Variants in PCDH15 observed in about 807,000 individuals in gnomAD.
The protein encoded by PCDH15 is protocadherin-15.
Under a neutral mutation model 178.5 loss-of-function variants are expected in PCDH15, and 129 were observed. That is an observed-to-expected ratio of 0.72 (90% CI 0.63 to 0.84). The LOEUF (loss-of-function observed/expected upper bound fraction) is 0.84. PCDH15 is among the 40% of genes least tolerant of loss of function. The pLI is 0.00. For missense variants in PCDH15, 2,230 were observed against 2,099.9 expected, an observed-to-expected ratio of 1.06 and a Z score of -1.21; for synonymous variants, 800 against 732.0, an observed-to-expected ratio of 1.09 and a Z score of -1.50.
At position 53,805,973 on chromosome 10, in the gene PCDH15, A is replaced by AATGT. The variant is rs1284345003; in HGVS notation, c.*602_*605dup. ...TGGTTTCCTAAAGGGTCAAGATATA[A>AATGT]ATGTATTTATGGTAAAATGTGAAAA... On this transcript the variant is annotated 3_prime_UTR_variant, in exon 38 of 38. Transcript: ENST00000644397. 1 of 151,888 alleles carries AATGT rather than the reference A, an allele frequency of 6.6e-6. No homozygotes were observed. The highest frequency in any genetic ancestry group is 1.5e-5 in the Non-Finnish European group (1 of 68,058). 9.4% of individuals were successfully genotyped at this position (151,888 alleles called of 1,614,324 possible).
At chr10:55,506,942 T>G (rs981148356) in intron 2 of PCDH15, among the ~76,000 whole-genome samples, 3 of 151,642 alleles carry the variant, frequency 2.0e-5, no homozygotes, top group Non-Finnish European at 4.4e-5. Context: ...ACTTTAAAGA[T>G]TAACACATGA....
intron 2 of PCDH15, among the ~76,000 whole-genome samples, chr10:54,628,500 GCAGA>G (rs2093618521): frequency 6.6e-6 from 1 of 152,092 alleles, no homozygotes; most frequent in Non-Finnish European, 1.5e-5. Context: ...GTACAGGGAA[GCAGA>G]CAAACCTTAA....
chr10:54,090,366 G>A (rs1024338687), intron 15 of PCDH15, among the ~76,000 whole-genome samples: 1 of 152,070 alleles, frequency 6.6e-6, no homozygotes, highest in Admixed American at 6.6e-5. Context: ...CTGCTGGCTG[G>A]GCACAGTGGC....
chr10:53,918,892 C>T (rs901535350), intron 25 of PCDH15, among the ~76,000 whole-genome samples: 4 of 152,280 alleles, frequency 2.6e-5, no homozygotes, highest in South Asian at 2.1e-4. Flanking sequence ...AAAATTAAGA[C>T]GTAGCAGGTC....
At chr10:54,914,049 A>T (rs1026170412) in intron 2 of PCDH15, among the ~76,000 whole-genome samples, 2 of 152,170 alleles carry the variant, frequency 1.3e-5, no homozygotes, top group African/African-American at 2.4e-5. Context: ...AAAGGCTTTA[A>T]GATTTTCAGG....
intron 2 of PCDH15, among the ~76,000 whole-genome samples, chr10:55,040,583 C>T (rs1840843006): frequency 6.6e-6 from 1 of 152,074 alleles, no homozygotes; most frequent in South Asian, 2.1e-4. Flanking sequence ...TTTTCTTGTC[C>T]TCTTTTTCCA....
At chr10:55,520,025 A>G (rs1841120694) in intron 2 of PCDH15, among the ~76,000 whole-genome samples, 1 of 147,364 alleles carries the variant, frequency 6.8e-6, no homozygotes, top group African/African-American at 2.5e-5. Flanking sequence ...TATAAGGCAT[A>G]TATATATGCC....
intron 2 of PCDH15, among the ~76,000 whole-genome samples, chr10:54,546,916 A>T (rs56140526): frequency 0.17 from 26,349 of 152,114 alleles, 2,467 homozygotes; most frequent in Admixed American, 0.29. Context: ...CAATGTGTCA[A>T]TGACTTCATC....
At chr10:55,496,827 G>A (rs1027128177) in intron 2 of PCDH15, among the ~76,000 whole-genome samples, 1 of 151,734 alleles carries the variant, frequency 6.6e-6, no homozygotes, top group African/African-American at 2.4e-5. Context: ...TTAAACTAAT[G>A]TTTCAATTAT....
chr10:55,409,148 C>A (rs1838274815), intron 2 of PCDH15, among the ~76,000 whole-genome samples: 1 of 152,012 alleles, frequency 6.6e-6, no homozygotes. Flanking sequence ...CAGCTAAGAC[C>A]TCTCTCCTGA....
intron 20 of PCDH15, 93 bp downstream of exon 20, chr10:54,020,099 G>A (rs913082218): frequency 2.7e-6 from 3 of 1,094,206 alleles, no homozygotes; most frequent in African/African-American, 1.6e-5. Context: ...ATTAGGAATT[G>A]TTATCAAAAC....
chr10:54,719,997 C>A (rs1008062967), intron 1 of PCDH15, among the ~76,000 whole-genome samples: 6 of 151,816 alleles, frequency 4.0e-5, no homozygotes, highest in African/African-American at 1.5e-4. Context: ...CAATGAGATA[C>A]CATCTCACAC....
intron 15 of PCDH15, among the ~76,000 whole-genome samples, chr10:54,104,851 A>C (rs1319352158): frequency 5.4e-5 from 8 of 147,180 alleles, no homozygotes; most frequent in African/African-American, 1.3e-4. Flanking sequence ...ACAACAAAAA[A>C]AAAAAAAAAA....
intron 15 of PCDH15, among the ~76,000 whole-genome samples, chr10:54,108,632 A>C (rs1035376420): frequency 6.6e-6 from 1 of 152,114 alleles, no homozygotes; most frequent in Non-Finnish European, 1.5e-5. Flanking sequence ...CTAGGATGGC[A>C]TGTGACCTAC....
intron 1 of PCDH15, among the ~76,000 whole-genome samples, chr10:55,252,468 T>C (rs1027510267): frequency 6.6e-6 from 1 of 152,156 alleles, no homozygotes; most frequent in Non-Finnish European, 1.5e-5. Flanking sequence ...ATTTCCCAAA[T>C]TATAAAATAT....
chr10:54,090,172 TTAAAGAATAAAGATTAAA>T (rs1565230754), intron 15 of PCDH15, 109 bp from the exon 16 acceptor site: 17 of 859,740 alleles, frequency 2.0e-5, no homozygotes, highest in Non-Finnish European at 2.9e-5. Context: ...CATGACACTG[TTAAAGAATAAAGATTAAA>T]GCATGGCCTA....
intron 18 of PCDH15, among the ~76,000 whole-genome samples, chr10:54,048,638 T>C (rs1279576442): frequency 6.6e-6 from 1 of 152,162 alleles, no homozygotes; most frequent in Non-Finnish European, 1.5e-5. Context: ...ATCCCAACAT[T>C]TATTGAATAG....
chr10:55,413,793 T>C (rs1838405910), intron 2 of PCDH15, among the ~76,000 whole-genome samples: 1 of 151,578 alleles, frequency 6.6e-6, no homozygotes, highest in Non-Finnish European at 1.5e-5. Context: ...TGAATACAAG[T>C]TAGCTCGGAA....
intron 2 of PCDH15, among the ~76,000 whole-genome samples, chr10:55,378,338 G>C (rs1221016373): frequency 6.6e-6 from 1 of 152,082 alleles, no homozygotes; most frequent in Non-Finnish European, 1.5e-5. Flanking sequence ...TCAAAGAAGG[G>C]AGAATGAGAT....
Sources: gnomAD v4.1 joint callset for allele counts (sites outside exome capture counted in the v4.1 genomes callset) on GRCh38, gnomAD v4.1.1 for gene constraint, MANE v1.5 for transcripts, NCBI Gene and HGNC (gene_info 2026-07-23, HGNC 2026-07-21) for gene names.